The following ZC3H14 variants were observed in gnomAD, a reference collection of about 807,000 sequenced individuals.
ZC3H14 encodes the protein zinc finger CCCH-type containing 14.
In ZC3H14, 31 loss-of-function variants were observed where a neutral mutation model predicts 92.4. The observed-to-expected ratio is 0.34, with a 90% CI of 0.25 to 0.45. ZC3H14 has a LOEUF of 0.45. ZC3H14 is among the 20% of genes least tolerant of loss of function. The probability of loss-of-function intolerance (pLI) is 1.00; values close to 1 mark genes in which losing one functional copy is unlikely to be tolerated. For synonymous variants in ZC3H14, 321 were observed against 300.9 expected, an observed-to-expected ratio of 1.07 and a Z score of -0.69; for missense variants, 781 against 897.3, an observed-to-expected ratio of 0.87 and a Z score of 1.66.
At position 88,577,999 on chromosome 14, in the gene ZC3H14, A is replaced by G; in HGVS notation, c.1138A>G (p.Thr380Ala). 1 of 1,614,184 alleles carries G rather than the reference A, an allele frequency of 6.2e-7. No individual in the cohort carries two copies. Among genetic ancestry groups the G allele is most frequent in the Non-Finnish European group, 8.5e-7 (1 of 1,180,038 alleles). The change falls in exon 9 of 17, where the codon ACA becomes GCA. Residue 380 changes from threonine to alanine, a missense_variant. Thr to Ala is a moderately conservative substitution (Grantham distance 58). Around this residue, in one of 3 missense-constraint regions of ZC3H14, gnomAD observed 454 missense variants for 438.5 expected, o/e 1.04. Transcript: ENST00000251038. ...TTATGTGAAAGTTCCACAGAAACAG[A>G]CACTTCCAGTTGCTCCCAGAACTCG... ...TNYSTVPQKQTLPVAPRTRTS... is the reference protein window; with the variant it reads ...TNYSTVPQKQALPVAPRTRTS...
Position 88,613,547 on chromosome 14 carries a change from T to C in ZC3H14, c.*1796T>C, listed in dbSNP as rs548763517. 8 of 152,226 alleles carry C rather than the reference T, an allele frequency of 5.3e-5. 1 individual carries two copies. The highest frequency in any genetic ancestry group is 1.9e-4 in the African/African-American group (8 of 41,550). The allele number at this position is 152,226 out of a possible 1,614,324, so 9.4% of individuals were successfully genotyped here. On this transcript the variant is annotated 3_prime_UTR_variant, in exon 17 of 17. Coordinates refer to ENST00000251038, the MANE Select transcript of ZC3H14 (RefSeq NM_024824.5). Reference sequence around the variant, plus strand: ...ATTTAATAGCCACTGCCCAGACACATATTTAAGAGTTTAATCTTTCAGTTG... The same window carrying C: ...ATTTAATAGCCACTGCCCAGACACACATTTAAGAGTTTAATCTTTCAGTTG...
intron 10 of ZC3H14, among the ~76,000 whole-genome samples, chr14:88,599,216 T>G (rs1233078258): frequency 6.6e-6 from 1 of 152,250 alleles, no homozygotes; most frequent in African/African-American, 2.4e-5. Flanking sequence ...TGCCAGTTCC[T>G]GAGCCTTTGG....
intron 9 of ZC3H14, among the ~76,000 whole-genome samples, chr14:88,584,440 T>C (rs748379538): frequency 1.3e-5 from 2 of 152,222 alleles, no homozygotes; most frequent in African/African-American, 2.4e-5. Context: ...ACATCTATTA[T>C]GAAGTTTAAT....
In ZC3H14 at chr14:88,613,294, AATTTAAGGC is replaced by A. The variant is rs2087108446; in HGVS notation, c.*1548_*1556del. The stretch of plus-strand genomic sequence containing the variant: ...TTCATTCTAAAGGTTTACTCCATTG[AATTTAAGGC>A]ATTTGTTCATTCCAGTGTTGAGATG... On this transcript the variant is annotated 3_prime_UTR_variant, in exon 17 of 17. Transcript: ENST00000251038. 6.6e-6 allele frequency: 1 copy of A among 152,150 alleles called. No individual in the cohort carries two copies. Among genetic ancestry groups the A allele is most frequent in the Non-Finnish European group, 1.5e-5 (1 of 68,030 alleles). The allele number at this position is 152,150 out of a possible 1,614,324, so 9.4% of individuals were successfully genotyped here. A position where few individuals can be genotyped will look rare whatever the true frequency, so the allele number is the denominator to read the frequency against.
intron 9 of ZC3H14, among the ~76,000 whole-genome samples, chr14:88,592,617 C>T (rs758963498): frequency 6.7e-6 from 1 of 149,988 alleles, no homozygotes; most frequent in Non-Finnish European, 1.5e-5. Context: ...TCTCATGCCT[C>T]AGCCTCCCGA....
Position 88,614,666 on chromosome 14 carries a change from TA to T in ZC3H14, c.*2916del, listed in dbSNP as rs2087316314. ...TTTTCAATCTTCAGGAAACTACAGA[TA>T]GGCTAGACAGCGAATTCCTGAATGA... On this transcript the variant is annotated 3_prime_UTR_variant, in exon 17 of 17. Transcript: ENST00000251038. 1 of 152,208 alleles carries T rather than the reference TA, an allele frequency of 6.6e-6. No individual in the cohort carries two copies. Among genetic ancestry groups the T allele is most frequent in the African/African-American group, 2.4e-5 (1 of 41,466 alleles). 9.4% of individuals were successfully genotyped at this position (152,208 alleles called of 1,614,324 possible).
chr14:88,574,420 A>G, intron 6 of ZC3H14: 2 of 374,226 alleles, frequency 5.3e-6, no homozygotes, highest in East Asian at 6.6e-5. Flanking sequence ...TAATTTTTGT[A>G]TTTTTATAGA....
chr14:88,611,506 G>A (rs1164253340), intron 16 of ZC3H14, among the ~76,000 whole-genome samples: 1 of 152,022 alleles, frequency 6.6e-6, no homozygotes, highest in Non-Finnish European at 1.5e-5. Context: ...ATTAGCAACT[G>A]GGAGATACTG....
chr14:88,609,691 T>C, intron 14 of ZC3H14, 21 bp from the exon 15 acceptor site: 1 of 1,613,620 alleles, frequency 6.2e-7, no homozygotes, highest in Non-Finnish European at 8.5e-7. Context: ...TGGAGATCAG[T>C]CCTGGTTTTT....
chr14:88,575,761 G>A, intron 7 of ZC3H14, 79 bp from the exon 8 acceptor site: 2 of 1,193,492 alleles, frequency 1.7e-6, no homozygotes, highest in South Asian at 1.3e-5. Context: ...GAAGGTTGTG[G>A]TAAAGGCATA....
chr14:88,604,439 C>T (rs1360144032), intron 12 of ZC3H14, among the ~76,000 whole-genome samples: 1 of 152,042 alleles, frequency 6.6e-6, no homozygotes, highest in East Asian at 1.9e-4. Flanking sequence ...AGTCTCTGCA[C>T]CACTTCCCCT....
intron 7 of ZC3H14, 63 bp from the exon 8 acceptor site, chr14:88,575,777 T>G (rs1382854768): frequency 7.3e-7 from 1 of 1,377,900 alleles, no homozygotes; most frequent in Non-Finnish European, 1.0e-6. Context: ...GCATAATAGA[T>G]GGCTGGCCTG....
chr14:88,588,684 G>A (rs1298882101), intron 9 of ZC3H14, among the ~76,000 whole-genome samples: 1 of 151,912 alleles, frequency 6.6e-6, no homozygotes, highest in Non-Finnish European at 1.5e-5. Flanking sequence ...AAATACTCTT[G>A]CATTATTTGT....
At chr14:88,563,614 G>C (rs575769269) in intron 1 of ZC3H14, 37 bp from the exon 2 acceptor site, 1 of 1,611,834 alleles carries the variant, frequency 6.2e-7, no homozygotes, top group Non-Finnish European at 8.5e-7. Flanking sequence ...TCCTAGAGCC[G>C]CCTTTCTCAC....
chr14:88,610,993 T>A, intron 16 of ZC3H14, 53 bp downstream of exon 16: 1 of 1,547,790 alleles, frequency 6.5e-7, no homozygotes, highest in South Asian at 1.1e-5. Flanking sequence ...TTTTTCTAAT[T>A]TGCAGTTTCT....
Position 88,617,125 on chromosome 14 carries a change from A to G in ZC3H14, c.*5374A>G. ...CTTTTTAAGATTAAAGTAGTACTTT[A>G]TGAAAACTGATAGAACTATTTTTTC... On this transcript the variant is annotated 3_prime_UTR_variant, in exon 17 of 17. Coordinates refer to ENST00000251038, the MANE Select transcript of ZC3H14 (RefSeq NM_024824.5). The G allele has an allele frequency of 3.1e-6, 1 of 318,032 alleles. No homozygotes were observed. Among genetic ancestry groups the G allele is most frequent in the East Asian group, 5.0e-5 (1 of 19,824 alleles). 19.7% of individuals were successfully genotyped at this position (318,032 alleles called of 1,614,324 possible). A position where few individuals can be genotyped will look rare whatever the true frequency, so the allele number is the denominator to read the frequency against.
Position 88,625,280 on chromosome 14 carries a change from A to G in ZC3H14, c.*13529A>G. ...AGCAGCACTGAATTCACGAGTCAGG[A>G]AACCTGAACGGGAGGCTTAGCTTTG... On this transcript the variant is annotated 3_prime_UTR_variant, in exon 17 of 17. Transcript: ENST00000251038. 6 of 827,046 alleles carry G rather than the reference A, an allele frequency of 7.3e-6. No individual in the cohort carries two copies. Among genetic ancestry groups the G allele is most frequent in the Non-Finnish European group, 1.1e-5 (6 of 555,830 alleles). The allele number at this position is 827,046 out of a possible 1,614,324, so 51.2% of individuals were successfully genotyped here. A position where few individuals can be genotyped will look rare whatever the true frequency, so the allele number is the denominator to read the frequency against.
In ZC3H14 at chr14:88,571,070, G is replaced by C; in HGVS notation, c.195-14G>C. 2.0e-6 allele frequency: 3 copies of C among 1,528,048 alleles called. No homozygotes were observed. In the South Asian group the frequency reaches 4.2e-5, roughly 21 times the overall value. The allele number at this position is 1,528,048 out of a possible 1,614,324, so 94.7% of individuals were successfully genotyped here. On this transcript the variant is annotated splice_polypyrimidine_tract_variant and intron_variant, in intron 3 of 16. Coordinates refer to ENST00000251038, the MANE Select transcript of ZC3H14 (RefSeq NM_024824.5). ...AACAGAAGGTTTATTTTTGTTTTTTGTTTTTTTCCTCAGGCTTCATGGTGT... is the reference window on the plus strand; with the variant it reads ...AACAGAAGGTTTATTTTTGTTTTTTCTTTTTTTCCTCAGGCTTCATGGTGT...
chr14:88,616,339 G>A lies in ZC3H14; in HGVS notation c.*4588G>A. On this transcript the variant is annotated 3_prime_UTR_variant, in exon 17 of 17. Coordinates refer to ENST00000251038, the MANE Select transcript of ZC3H14 (RefSeq NM_024824.5). The stretch of plus-strand genomic sequence containing the variant: ...TAATCTCTATGACAAGAGCTGTGGA[G>A]AGAGTAGGGAGTTAGCACCGCAGCC... 1 of 1,195,134 alleles carries A rather than the reference G, an allele frequency of 8.4e-7. No individual in the cohort carries two copies. Among genetic ancestry groups the A allele is most frequent in the Admixed American group, 1.8e-5 (1 of 56,538 alleles). 74.0% of individuals were successfully genotyped at this position (1,195,134 alleles called of 1,614,324 possible).
Sources: gnomAD v4.1 joint callset for allele counts (sites outside exome capture counted in the v4.1 genomes callset) on GRCh38, gnomAD v4.1.1 for gene constraint, gnomAD v4.1.1 regional missense constraint, MANE v1.5 for transcripts, NCBI Gene and HGNC (gene_info 2026-07-23, HGNC 2026-07-21) for gene names.